The following PTPN7 variants were observed in gnomAD, a reference collection of about 807,000 sequenced individuals.
PTPN7 encodes protein tyrosine phosphatase non-receptor type 7, also known as tyrosine-protein phosphatase non-receptor type 7.
Under a neutral mutation model 50.3 loss-of-function variants are expected in PTPN7, and 33 were observed. The observed-to-expected ratio is 0.66, with a 90% CI of 0.50 to 0.88. The LOEUF (loss-of-function observed/expected upper bound fraction) is 0.88, where lower values mean the gene tolerates loss of function less well. Among genes scored for constraint, PTPN7 ranks in the 40% least tolerant of loss-of-function variants. The pLI is 0.00. For missense variants in PTPN7, 412 were observed against 475.4 expected (o/e 0.87, Z 1.24); for synonymous variants, 185 against 186.6 (o/e 0.99, Z 0.07).
chr1:202,154,344 G>A (rs1312043317), intron 5 of PTPN7, 21 bp from the exon 6 acceptor site: 1 of 1,601,362 alleles, frequency 6.2e-7, no homozygotes, highest in African/African-American at 1.3e-5. Context: ...GAAGCACAGG[G>A]GAAGGGGTGG....
chr1:202,157,910 C>T (rs1038305612), intron 3 of PTPN7, 87 bp from the exon 4 acceptor site: 9 of 1,446,352 alleles, frequency 6.2e-6, no homozygotes, highest in Non-Finnish European at 7.7e-6. Context: ...TGGACTCTGG[C>T]CATTCCTTCT....
At chr1:202,155,296 G>A (rs1656528169) in intron 5 of PTPN7, among the ~76,000 whole-genome samples, 2 of 152,308 alleles carry the variant, frequency 1.3e-5, no homozygotes, top group Non-Finnish European at 2.9e-5. Context: ...TGATAGTGGA[G>A]GTTAGGGAGA....
intron 8 of PTPN7, among the ~76,000 whole-genome samples, chr1:202,152,120 A>G (rs760112181): frequency 1.3e-5 from 2 of 152,234 alleles, no homozygotes; most frequent in Admixed American, 6.5e-5. Flanking sequence ...CATGTTGGCC[A>G]GGCTGGTCTC....
chr1:202,155,822 C>T (rs1255535743), intron 4 of PTPN7, among the ~76,000 whole-genome samples: 1 of 152,148 alleles, frequency 6.6e-6, no homozygotes, highest in African/African-American at 2.4e-5. Context: ...TGCAGTGGTG[C>T]GATCATAGCT....
upstream of PTPN7, chr1:202,161,266 A>G: frequency 8.8e-7 from 1 of 1,142,282 alleles, no homozygotes; most frequent in Non-Finnish European, 1.1e-6. Flanking sequence ...AGTGTAGGCC[A>G]GCCCAGCAGG....
Position 202,153,763 on chromosome 1 carries a change from C to T in PTPN7, c.679G>A (p.Glu227Lys). Residue 227 changes from glutamate to lysine, a missense_variant, in exon 7 of 10, where the codon GAG becomes AAG. By Grantham distance (56) the Glu-to-Lys change is moderately conservative (BLOSUM62 1). Coordinates refer to ENST00000691036, the MANE Select transcript of PTPN7 (RefSeq NM_002832.4). The stretch of plus-strand genomic sequence containing the variant: ...TGCCGCACAGTGTATTCTGGGCACT[C>T]TTTCATGTCCTGGATGCGGATCTGG... ...PFQIRIQDMK[E>K]CPEYTVRQLT... 3 of 1,614,170 alleles carry T rather than the reference C, an allele frequency of 1.9e-6. No homozygotes were observed. Among genetic ancestry groups the T allele is most frequent in the Non-Finnish European group, 2.5e-6 (3 of 1,180,010 alleles).
chr1:202,152,414 C>T (rs1656111766), intron 8 of PTPN7, 128 bp downstream of exon 8: 6 of 1,146,986 alleles, frequency 5.2e-6, no homozygotes, highest in South Asian at 3.3e-5. Context: ...AATGGCCTTG[C>T]GAGTCATGTC....
upstream of PTPN7, chr1:202,161,194 C>G (rs569859229): frequency 8.9e-7 from 1 of 1,125,078 alleles, no homozygotes; most frequent in South Asian, 2.3e-5. Flanking sequence ...GGGCCGGGGC[C>G]AGGCCAAAAA....
chr1:202,149,820 C>CTTTTTTT (rs796249545), intron 9 of PTPN7: 1 of 123,184 alleles, frequency 8.1e-6, no homozygotes, highest in Admixed American at 8.4e-5. Flanking sequence ...GACAGATATT[C>CTTTTTTT]TTTTTTTTGT....
At position 202,148,974 on chromosome 1, in the gene PTPN7, A is replaced by G. The variant is rs868638935; in HGVS notation, c.990-275T>C. Among the ~76,000 whole-genome samples, 8 of 145,112 alleles carry G rather than the reference A, an allele frequency of 5.5e-5. No homozygotes were observed. The Middle Eastern group carries it at 0.014, about 263-fold the overall frequency. On this transcript the variant is annotated intron_variant, in intron 9 of 9. Coordinates refer to ENST00000691036, the MANE Select transcript of PTPN7 (RefSeq NM_002832.4). ...AGGTTCAAGTGATTCTCCTGCCTCA[A>G]TCTCCTGAGTAGCTAGGACTACAAG...
upstream of PTPN7, chr1:202,161,242 C>T (rs1045481937): frequency 2.1e-5 from 24 of 1,129,478 alleles, no homozygotes; most frequent in African/African-American, 2.1e-4. Flanking sequence ...CAGCTCTCCA[C>T]AGCCCACGGC....
intron 9 of PTPN7, among the ~76,000 whole-genome samples, chr1:202,149,198 C>G (rs748202701): frequency 3.3e-5 from 5 of 152,022 alleles, no homozygotes; most frequent in African/African-American, 7.3e-5. Flanking sequence ...ATTGCTGCCC[C>G]TCAGATCTGC....
In PTPN7 at chr1:202,160,596, T is replaced by C. The variant is rs542698065; in HGVS notation, c.-104A>G. ...CTCTTGCCAGCTGTCTGTCTGTCTG[T>C]CGGTCTGTCTTTGAGGGCTGAGAAG... On this transcript the variant is annotated 5_prime_UTR_variant, in exon 1 of 10. Transcript: ENST00000691036. The surrounding 1 kb of genome is among the most constrained non-coding windows in gnomAD (Gnocchi z 4.8). 5.9e-5 allele frequency: 92 copies of C among 1,550,512 alleles called. 1 individual carries two copies. The highest frequency in any genetic ancestry group is 2.0e-4 in the South Asian group (17 of 84,062).
Position 202,160,414 on chromosome 1 carries a change from C to T in PTPN7, c.-53+131G>A. 1 of 953,012 alleles carries T rather than the reference C, an allele frequency of 1.0e-6. No homozygotes were observed. The allele number at this position is 953,012 out of a possible 1,614,324, so 59.0% of individuals were successfully genotyped here. On this transcript the variant is annotated intron_variant, in intron 1 of 9. Transcript: ENST00000691036. This position sits in a 1 kb window ranked among gnomAD's most constrained non-coding sequence, Gnocchi z 4.8. Reference sequence around the variant, plus strand: ...TTGGGGACATCAGGTCTGTGAGCACCCATACCCCAGCCAGGCACTGTGGCG... The same window carrying T: ...TTGGGGACATCAGGTCTGTGAGCACTCATACCCCAGCCAGGCACTGTGGCG...
At chr1:202,154,418 G>C in intron 5 of PTPN7, 95 bp from the exon 6 acceptor site, 1 of 1,442,052 alleles carries the variant, frequency 6.9e-7, no homozygotes, top group Non-Finnish European at 9.4e-7. Context: ...TCAGCCTGAA[G>C]CTGTGAACCA....
intron 5 of PTPN7, among the ~76,000 whole-genome samples, chr1:202,154,843 A>T (rs149511725): frequency 6.6e-6 from 1 of 152,222 alleles, no homozygotes; most frequent in African/African-American, 2.4e-5. Context: ...TGATTTTCTC[A>T]CCTTCAGGAT....
In PTPN7 at chr1:202,155,609, T is replaced by C. The variant is rs763749937; in HGVS notation, c.392A>G (p.Asn131Ser). Reference protein sequence around the residue: ...SKDRYKTILPNPQSRVCLGRA... With the variant: ...SKDRYKTILPSPQSRVCLGRA... ...GCCTAGACAGACACGGCTCTGGGGA[T>C]CTAGGAAATAAAAATCAGCAGAGGT... Residue 131 changes from asparagine (N) to serine (S), a missense_variant and splice_region_variant, in exon 5 of 10, where the codon AAT becomes AGT. Physicochemically the swap from Asn to Ser is conservative, Grantham distance 46. Coordinates refer to ENST00000691036, the MANE Select transcript of PTPN7 (RefSeq NM_002832.4). The C allele has an allele frequency of 6.4e-7, 1 of 1,555,844 alleles. No homozygotes were observed. Among genetic ancestry groups the C allele is most frequent in the Non-Finnish European group, 8.9e-7 (1 of 1,127,358 alleles).
intron 8 of PTPN7, 137 bp from the exon 9 acceptor site, chr1:202,150,561 TA>T: frequency 1.5e-6 from 1 of 657,128 alleles, no homozygotes. Flanking sequence ...TGGAGGCAGG[TA>T]GCAGTACTCT....
At chr1:202,150,126 C>G (rs931438459) in intron 9 of PTPN7, 185 bp downstream of exon 9, 2 of 558,342 alleles carry the variant, frequency 3.6e-6, no homozygotes, top group African/African-American at 3.8e-5. Flanking sequence ...AGCCACCGCA[C>G]CCGGCCATCC....
Sources: gnomAD v4.1 joint callset for allele counts (sites outside exome capture counted in the v4.1 genomes callset) on GRCh38, gnomAD v4.1.1 for gene constraint, Gnocchi (gnomAD v3.1) non-coding constraint, MANE v1.5 for transcripts, NCBI Gene and HGNC (gene_info 2026-07-23, HGNC 2026-07-21) for gene names.